Variants in NCKAP5 observed in about 807,000 individuals in gnomAD.
NCKAP5 encodes nck-associated protein 5.
In NCKAP5, 92 loss-of-function variants were observed where a neutral mutation model predicts 167.0. That is an observed-to-expected ratio of 0.55 (90% CI 0.47 to 0.66). The LOEUF is 0.66. NCKAP5 is among the 30% of genes least tolerant of loss of function. The probability of loss-of-function intolerance (pLI) is 0.00; values close to 1 mark genes in which losing one functional copy is unlikely to be tolerated. For missense variants in NCKAP5, 2,378 were observed against 2,315.0 expected (o/e 1.03, Z -0.56); for synonymous variants, 891 against 877.4 (o/e 1.02, Z -0.27).
At chr2:133,395,156 G>A (rs1238138527) in intron 3 of NCKAP5, among the ~76,000 whole-genome samples, 2 of 152,176 alleles carry the variant, frequency 1.3e-5, no homozygotes, top group Non-Finnish European at 2.9e-5. Context: ...TTTTCTAAAA[G>A]GTTAGTGAGG....
chr2:132,828,228 T>C (rs1339749725), intron 11 of NCKAP5, among the ~76,000 whole-genome samples: 2 of 152,178 alleles, frequency 1.3e-5, no homozygotes, highest in Non-Finnish European at 2.9e-5. Flanking sequence ...CTGTGCTATT[T>C]TGTTATAGCA....
chr2:133,114,676 C>T (rs767303047), intron 6 of NCKAP5, among the ~76,000 whole-genome samples: 1 of 152,166 alleles, frequency 6.6e-6, no homozygotes, highest in Non-Finnish European at 1.5e-5. Flanking sequence ...TTTCTCCCCA[C>T]CTCTTTTTTC....
At chr2:132,900,703 C>T (rs975780195) in intron 8 of NCKAP5, among the ~76,000 whole-genome samples, 10 of 152,046 alleles carry the variant, frequency 6.6e-5, no homozygotes, top group Admixed American at 3.3e-4. Flanking sequence ...TAAATAATGA[C>T]TCTTACCCAG....
intron 11 of NCKAP5, among the ~76,000 whole-genome samples, chr2:132,829,247 A>G (rs1490045241): frequency 6.6e-6 from 1 of 152,200 alleles, no homozygotes; most frequent in Admixed American, 6.5e-5. Flanking sequence ...TTATAGGCTT[A>G]TTAAGTGTAT....
At chr2:132,921,864 C>T (rs1014811382) in intron 8 of NCKAP5, among the ~76,000 whole-genome samples, 2 of 152,202 alleles carry the variant, frequency 1.3e-5, no homozygotes, top group Non-Finnish European at 2.9e-5. Flanking sequence ...CCATTCGGTG[C>T]ATTCCAACCC....
intron 6 of NCKAP5, among the ~76,000 whole-genome samples, chr2:132,996,478 A>G (rs912940754): frequency 3.3e-5 from 5 of 152,080 alleles, no homozygotes; most frequent in African/African-American, 7.2e-5. Context: ...TCATCTTCCT[A>G]TATTTCAACC....
chr2:133,534,214 A>C (rs1685580336), intron 2 of NCKAP5, among the ~76,000 whole-genome samples: 1 of 152,236 alleles, frequency 6.6e-6, no homozygotes, highest in Non-Finnish European at 1.5e-5. Context: ...TCACATATAG[A>C]GAAAAATGAA....
chr2:132,963,624 A>G (rs1165189921), intron 8 of NCKAP5, 96 bp downstream of exon 8: 10 of 1,291,044 alleles, frequency 7.7e-6, no homozygotes, highest in Non-Finnish European at 1.1e-5. Context: ...GAGAACTCAA[A>G]AGGGAAGATT....
chr2:132,834,168 T>G (rs1252413548), intron 11 of NCKAP5, among the ~76,000 whole-genome samples: 1 of 152,166 alleles, frequency 6.6e-6, no homozygotes, highest in Non-Finnish European at 1.5e-5. Flanking sequence ...AGAGATAATT[T>G]GACTTCCTTT....
intron 19 of NCKAP5, among the ~76,000 whole-genome samples, chr2:132,720,881 G>A (rs1324003914): frequency 6.6e-6 from 1 of 152,080 alleles, no homozygotes; most frequent in Admixed American, 6.6e-5. Context: ...TGTGGTGGGA[G>A]GCACCTGTAA....
chr2:132,957,384 A>G (rs1056641947), intron 8 of NCKAP5, among the ~76,000 whole-genome samples: 5 of 152,250 alleles, frequency 3.3e-5, no homozygotes, highest in African/African-American at 9.6e-5. Context: ...TCTTACTAGC[A>G]TAGTATAGTG....
rs572829192 is a variant in NCKAP5 at position 133,547,027 on chromosome 2, T to G, written c.-62+12023A>C. ...CGCAGGCCAGTGGGTGCGCGCACCG[T>G]GCGCGAGCTGAAGCAGGGCGAGGCA... On this transcript the variant is annotated intron_variant, in intron 2 of 19. Transcript: ENST00000409261. 3.0e-4 allele frequency among the ~76,000 whole-genome samples: 45 copies of G among 152,190 alleles called. 1 individual carries two copies. The highest frequency in any genetic ancestry group is 9.2e-4 in the African/African-American group (38 of 41,524).
intron 6 of NCKAP5, among the ~76,000 whole-genome samples, chr2:133,006,717 T>C (rs2077983186): frequency 6.6e-6 from 1 of 152,186 alleles, no homozygotes; most frequent in South Asian, 2.1e-4. Flanking sequence ...AGCAGCACAG[T>C]AAGTAGCCGG....
At chr2:132,800,795 G>C (rs181322076) in intron 11 of NCKAP5, among the ~76,000 whole-genome samples, 1 of 152,148 alleles carries the variant, frequency 6.6e-6, no homozygotes, top group Non-Finnish European at 1.5e-5. Flanking sequence ...TTTATCCAAA[G>C]TGTACTCTTA....
At chr2:133,336,443 G>C (rs998425628) in intron 3 of NCKAP5, among the ~76,000 whole-genome samples, 2 of 152,008 alleles carry the variant, frequency 1.3e-5, no homozygotes, top group Non-Finnish European at 2.9e-5. Context: ...CACAAGGCTC[G>C]AGCTTCATGA....
Position 132,728,838 on chromosome 2 carries a change from T to G in NCKAP5, c.5558A>C (p.Glu1853Ala). ...CACCTGGGTCCCGGTGGCAGCAACTTCACTCCCCCAGTCTGGAAGCGGCTG... is the reference window on the plus strand; with the variant it reads ...CACCTGGGTCCCGGTGGCAGCAACTGCACTCCCCCAGTCTGGAAGCGGCTG... Reference protein sequence around the residue: ...ASQPLPDWGSEVAATGTQDKA... With the variant: ...ASQPLPDWGSAVAATGTQDKA... Residue 1853 changes from glutamate (E) to alanine (A), a missense_variant, in exon 18 of 20, where the codon GAA (glutamate) becomes GCA (alanine). This residue lies in a region of NCKAP5 where 1,325 missense variants were observed against 1,274.5 expected (regional missense o/e 1.04). Transcript: ENST00000409261. 1 of 1,613,878 alleles carries G rather than the reference T, an allele frequency of 6.2e-7. No individual in the cohort carries two copies. Among genetic ancestry groups the G allele is most frequent in the Non-Finnish European group, 8.5e-7 (1 of 1,179,820 alleles).
intron 3 of NCKAP5, among the ~76,000 whole-genome samples, chr2:133,362,601 T>C (rs576466726): frequency 3.9e-5 from 6 of 152,328 alleles, no homozygotes; most frequent in Non-Finnish European, 8.8e-5. Context: ...AGAGAGTGTA[T>C]GACCATCTAG....
At chr2:132,934,021 A>G (rs979162606) in intron 8 of NCKAP5, among the ~76,000 whole-genome samples, 1 of 152,180 alleles carries the variant, frequency 6.6e-6, no homozygotes, top group East Asian at 1.9e-4. Context: ...TCTCTACAGG[A>G]TCTTGCTTTT....
At chr2:132,788,205 C>G (rs750434580) in intron 13 of NCKAP5, among the ~76,000 whole-genome samples, 8 of 152,090 alleles carry the variant, frequency 5.3e-5, no homozygotes, top group Non-Finnish European at 1.2e-4. Flanking sequence ...TCCTTTGCTG[C>G]GAAAGTTGGA....
Sources: gnomAD v4.1 joint callset for allele counts (sites outside exome capture counted in the v4.1 genomes callset) on GRCh38, gnomAD v4.1.1 for gene constraint, gnomAD v4.1.1 regional missense constraint, MANE v1.5 for transcripts, NCBI Gene and HGNC (gene_info 2026-07-23, HGNC 2026-07-21) for gene names.